AFF2: variants seen among roughly 807,000 people sequenced by gnomAD.
AFF2 encodes ALF transcription elongation factor 2.
A neutral mutation model predicts 76.9 loss-of-function variants in AFF2; 14 were observed. The ratio of observed to expected loss-of-function variants is 0.18; its 90% CI spans 0.12 to 0.28. AFF2 has a LOEUF of 0.28. AFF2 is among the 10% of genes least tolerant of loss of function. The pLI is 1.00. For missense variants in AFF2, 868 were observed against 1,001.1 expected (o/e 0.87, Z 1.79); for synonymous variants, 398 against 366.7 (o/e 1.09, Z -0.98).
intron 4 of AFF2, among the ~76,000 whole-genome samples, chrX:148,812,232 C>T (rs1435755644): frequency 3.6e-5 from 4 of 111,459 alleles, no homozygotes; most frequent in South Asian, 3.8e-4. Context: ...TGACGGGTTC[C>T]GCAGTAAATT....
intron 1 of AFF2, among the ~76,000 whole-genome samples, chrX:148,617,400 G>A (rs184650414): frequency 8.9e-5 from 10 of 111,752 alleles, no homozygotes; most frequent in South Asian, 3.7e-4. Flanking sequence ...CATATCCTTC[G>A]CCCACTTTTT....
At chrX:148,585,702 G>A (rs782680306) in intron 1 of AFF2, among the ~76,000 whole-genome samples, 8 of 109,829 alleles carry the variant, frequency 7.3e-5, no homozygotes, top group South Asian at 4.0e-4. Context: ...TTAGCCGGGC[G>A]TGGTGGCAGG....
At chrX:148,654,353 G>A (rs1452206655) in intron 2 of AFF2, among the ~76,000 whole-genome samples, 9 of 111,566 alleles carry the variant, frequency 8.1e-5, no homozygotes, top group African/African-American at 2.9e-4. Context: ...ATTGTGGGAT[G>A]CCAAACTGCC....
At chrX:148,770,471 G>C (rs1269770774) in intron 3 of AFF2, among the ~76,000 whole-genome samples, 1 of 111,945 alleles carries the variant, frequency 8.9e-6, no homozygotes, top group African/African-American at 3.2e-5. Flanking sequence ...AAAGTTGGGG[G>C]TATCATTCCA....
At chrX:148,579,264 T>C (rs782660410) in intron 1 of AFF2, among the ~76,000 whole-genome samples, 6 of 111,970 alleles carry the variant, frequency 5.4e-5, no homozygotes, top group African/African-American at 1.9e-4. Flanking sequence ...TGTCTGTAAT[T>C]GATGGCTGAA....
chrX:148,607,190 C>T lies in AFF2; in HGVS notation c.48-44809C>T, dbSNP rs1298426540. Among the ~76,000 whole-genome samples the T allele has an allele frequency of 2.7e-5, 3 of 111,215 alleles. No individual in the cohort carries two copies. In the East Asian group the frequency reaches 8.6e-4, roughly 32 times the overall value. ...GCTCTTGCCCAAATCTTCCAGATTC[C>T]GAAACTCAGGTTCCTTGAATTATCC... On this transcript the variant is annotated intron_variant, in intron 1 of 20. Transcript: ENST00000370460.
intron 3 of AFF2, among the ~76,000 whole-genome samples, chrX:148,771,078 G>C (rs1434902925): frequency 8.9e-6 from 1 of 112,308 alleles, no homozygotes; most frequent in Admixed American, 9.4e-5. Context: ...CAAATGAAAA[G>C]ATTCAGTGCT....
At chrX:148,745,208 C>G (rs2055406095) in intron 3 of AFF2, among the ~76,000 whole-genome samples, 1 of 111,750 alleles carries the variant, frequency 8.9e-6, no homozygotes, top group Non-Finnish European at 1.9e-5. Context: ...CAGTCATTTC[C>G]TCAATGTGGT....
intron 3 of AFF2, among the ~76,000 whole-genome samples, chrX:148,750,111 G>A (rs1178431663): frequency 1.8e-5 from 2 of 110,058 alleles, no homozygotes; most frequent in Middle Eastern, 4.6e-3. Context: ...GGGATTACAG[G>A]TGCCCGCCAT....
intron 8 of AFF2, among the ~76,000 whole-genome samples, chrX:148,897,273 GTATA>G (rs35456953): frequency 4.1e-5 from 1 of 24,399 alleles, no homozygotes; most frequent in Non-Finnish European, 6.5e-5. Flanking sequence ...ATATATATAT[GTATA>G]TGAAAAATAT....
intron 3 of AFF2, among the ~76,000 whole-genome samples, chrX:148,718,714 A>G (rs2055055500): frequency 9.0e-6 from 1 of 111,279 alleles, no homozygotes; most frequent in African/African-American, 3.3e-5. Context: ...TTTTTATTTT[A>G]TGATAGTACA....
At chrX:148,780,082 T>G (rs1374930384) in intron 3 of AFF2, among the ~76,000 whole-genome samples, 1 of 112,419 alleles carries the variant, frequency 8.9e-6, no homozygotes, top group African/African-American at 3.2e-5. Context: ...GCCCCCACTC[T>G]CTTCTGGCTT....
intron 3 of AFF2, among the ~76,000 whole-genome samples, chrX:148,775,308 G>A (rs1345781699): frequency 1.8e-5 from 2 of 111,712 alleles, no homozygotes; most frequent in Admixed American, 9.5e-5. Flanking sequence ...AGACAAGCTG[G>A]AATAATAATG....
At chrX:148,818,013 A>T (rs1276502155) in intron 4 of AFF2, among the ~76,000 whole-genome samples, 1 of 111,919 alleles carries the variant, frequency 8.9e-6, no homozygotes, top group African/African-American at 3.2e-5. Context: ...CATTTCATGG[A>T]GAAACTCTCA....
chrX:148,694,322 A>T (rs191406690), intron 3 of AFF2, among the ~76,000 whole-genome samples: 106 of 111,746 alleles, frequency 9.5e-4, no homozygotes, highest in Middle Eastern at 4.6e-3. Context: ...ATAATAATAA[A>T]AAAAAAGAAT....
At chrX:148,613,494 T>A (rs1166959272) in intron 1 of AFF2, among the ~76,000 whole-genome samples, 4 of 111,703 alleles carry the variant, frequency 3.6e-5, no homozygotes, top group Non-Finnish European at 7.5e-5. Context: ...ATACCCAGGA[T>A]ACAGTGGGAA....
intron 3 of AFF2, among the ~76,000 whole-genome samples, chrX:148,696,731 A>T (rs782043596): frequency 8.0e-5 from 9 of 112,383 alleles, no homozygotes; most frequent in African/African-American, 2.9e-4. Context: ...CAAGGTATGG[A>T]GAGAGTCTGT....
At chrX:148,907,430 C>T (rs112956912) in intron 9 of AFF2, among the ~76,000 whole-genome samples, 1,391 of 111,314 alleles carry the variant, frequency 0.012, 21 homozygotes, top group African/African-American at 0.043. Flanking sequence ...TGATATTTCA[C>T]GTAGGTTCTT....
intron 3 of AFF2, among the ~76,000 whole-genome samples, chrX:148,793,189 A>G (rs1557270089): frequency 9.3e-6 from 1 of 107,327 alleles, no homozygotes; most frequent in Non-Finnish European, 1.9e-5. Flanking sequence ...TTTGCCTAAC[A>G]TAACATACCT....
Sources: gnomAD v4.1 joint callset for allele counts (sites outside exome capture counted in the v4.1 genomes callset) on GRCh38, gnomAD v4.1.1 for gene constraint, MANE v1.5 for transcripts, NCBI Gene and HGNC (gene_info 2026-07-23, HGNC 2026-07-21) for gene names.